MDGA2: variants seen among roughly 807,000 people sequenced by gnomAD.
MDGA2 encodes the protein MAM domain-containing glycosylphosphatidylinositol anchor protein 2.
In MDGA2, 40 loss-of-function variants were observed where a neutral mutation model predicts 117.8. The observed-to-expected ratio is 0.34, with a 90% CI of 0.26 to 0.44. MDGA2 has a LOEUF of 0.44. Among genes scored for constraint, MDGA2 ranks in the 20% least tolerant of loss-of-function variants. The pLI is 1.00. For synonymous variants in MDGA2, 452 were observed against 439.0 expected, an observed-to-expected ratio of 1.03 and a Z score of -0.37; for missense variants, 1,123 against 1,250.6, an observed-to-expected ratio of 0.90 and a Z score of 1.54.
At chr14:47,472,700 T>TA (rs2138618419) in intron 1 of MDGA2, among the ~76,000 whole-genome samples, 1 of 152,080 alleles carries the variant, frequency 6.6e-6, no homozygotes, top group South Asian at 2.1e-4. Flanking sequence ...TCATGAAGCA[T>TA]AGAGGGAAGG....
chr14:47,286,647 C>T (rs897949998), intron 2 of MDGA2, among the ~76,000 whole-genome samples: 5 of 151,652 alleles, frequency 3.3e-5, no homozygotes, highest in Non-Finnish European at 7.4e-5. Context: ...GAGGACATTT[C>T]GGTTGATTCT....
At chr14:47,552,494 A>C (rs1329546652) in intron 1 of MDGA2, among the ~76,000 whole-genome samples, 1 of 152,218 alleles carries the variant, frequency 6.6e-6, no homozygotes, top group Non-Finnish European at 1.5e-5. Context: ...CTTATACTAC[A>C]GTATCCAATC....
intron 6 of MDGA2, among the ~76,000 whole-genome samples, chr14:47,082,229 A>G (rs1890732741): frequency 6.6e-6 from 1 of 151,850 alleles, no homozygotes; most frequent in African/African-American, 2.4e-5. Context: ...CAACACTCCC[A>G]TAGAGAAAAA....
chr14:47,179,053 T>C (rs976286809), intron 3 of MDGA2, among the ~76,000 whole-genome samples: 1 of 152,136 alleles, frequency 6.6e-6, no homozygotes. Context: ...ATCATTAGAA[T>C]GTTAACTTGT....
At chr14:46,948,106 A>G (rs1271004317) in intron 9 of MDGA2, among the ~76,000 whole-genome samples, 1 of 151,942 alleles carries the variant, frequency 6.6e-6, no homozygotes. Flanking sequence ...CATTGTCATA[A>G]ATTTCTTTTC....
chr14:47,412,704 A>G (rs1566774218), intron 1 of MDGA2, among the ~76,000 whole-genome samples: 1 of 152,248 alleles, frequency 6.6e-6, no homozygotes. Context: ...GGCTGGAATG[A>G]AAGAAATGCT....
At chr14:47,267,218 CT>C (rs1566711374) in intron 2 of MDGA2, among the ~76,000 whole-genome samples, 1 of 151,656 alleles carries the variant, frequency 6.6e-6, no homozygotes, top group African/African-American at 2.4e-5. Context: ...AAATATGATT[CT>C]TTTTTTGGTA....
Position 46,849,849 on chromosome 14 carries a change from G to A in MDGA2, c.2884-3978C>T, listed in dbSNP as rs1046436101. ...ACATTACAGAGATAAAACCATTTTC[G>A]TTTCCTCTTCAGTACTTCTGAAATG... is the stretch of plus-strand genomic sequence containing the variant. On this transcript the variant is annotated intron_variant, in intron 15 of 16. Coordinates refer to ENST00000399232, the MANE Select transcript of MDGA2 (RefSeq NM_001113498.3). Among the ~76,000 whole-genome samples, 10 of 150,824 alleles carry A rather than the reference G, an allele frequency of 6.6e-5. No homozygotes were observed. In the South Asian group the frequency reaches 1.3e-3, roughly 19 times the overall value.
At chr14:47,295,225 C>T (rs1889023788) in intron 2 of MDGA2, among the ~76,000 whole-genome samples, 1 of 152,138 alleles carries the variant, frequency 6.6e-6, no homozygotes, top group African/African-American at 2.4e-5. Flanking sequence ...CACATTCTTT[C>T]TTTGTTTTAT....
chr14:47,643,898 G>T (rs922598100), intron 1 of MDGA2, among the ~76,000 whole-genome samples: 2 of 152,054 alleles, frequency 1.3e-5, no homozygotes, highest in Non-Finnish European at 2.9e-5. Context: ...TACAGTAAAA[G>T]CTAAAAGCTC....
At chr14:47,325,421 A>G (rs928901443) in intron 1 of MDGA2, among the ~76,000 whole-genome samples, 2 of 152,198 alleles carry the variant, frequency 1.3e-5, no homozygotes, top group Non-Finnish European at 2.9e-5. Flanking sequence ...CTTCTGCATT[A>G]AAACCTGAAG....
rs563684361 is a variant in MDGA2 at position 46,875,401 on chromosome 14, C to T, written c.2438-1201G>A. On this transcript the variant is annotated intron_variant, in intron 12 of 16. Coordinates refer to ENST00000399232, the MANE Select transcript of MDGA2 (RefSeq NM_001113498.3). Reference sequence around the variant, plus strand: ...TTATGTTTTGTTTTTGTTTTTTAGACGAAACACTTGCTTTATCTCTTTGTA... The same window carrying T: ...TTATGTTTTGTTTTTGTTTTTTAGATGAAACACTTGCTTTATCTCTTTGTA... Among the ~76,000 whole-genome samples the T allele has an allele frequency of 1.6e-4, 25 of 151,572 alleles. No homozygotes were observed. The East Asian group carries it at 2.5e-3, about 15-fold the overall frequency.
intron 2 of MDGA2, among the ~76,000 whole-genome samples, chr14:47,279,889 G>T (rs1393184565): frequency 4.6e-5 from 7 of 152,020 alleles, no homozygotes; most frequent in Non-Finnish European, 1.0e-4. Context: ...CTAGAGATGG[G>T]ATCTCACTTT....
chr14:47,290,059 G>C (rs1426468320), intron 2 of MDGA2, among the ~76,000 whole-genome samples: 1 of 152,038 alleles, frequency 6.6e-6, no homozygotes, highest in Non-Finnish European at 1.5e-5. Flanking sequence ...AAAATGCTTA[G>C]ATTTAGTTCA....
intron 1 of MDGA2, among the ~76,000 whole-genome samples, chr14:47,660,275 T>C (rs1897821218): frequency 6.6e-6 from 1 of 152,214 alleles, no homozygotes; most frequent in African/African-American, 2.4e-5. Context: ...TGCATGGCGC[T>C]ACAGCTGAAT....
chr14:47,097,174 A>C, intron 5 of MDGA2, 51 bp from the exon 6 acceptor site: 3 of 1,568,210 alleles, frequency 1.9e-6, no homozygotes, highest in Non-Finnish European at 1.7e-6. Context: ...TGCTACAACT[A>C]GAATTCAACA....
intron 1 of MDGA2, among the ~76,000 whole-genome samples, chr14:47,673,632 ATGTGTGTGTGTGTGTGTG>A (rs10528657): frequency 6.9e-6 from 1 of 143,978 alleles, no homozygotes; most frequent in African/African-American, 2.6e-5. Context: ...TATGACCTGG[ATGTGTGTGTGTGTGTGTG>A]TGTGTGTGTG....
intron 8 of MDGA2, among the ~76,000 whole-genome samples, chr14:46,982,790 C>T (rs986473112): frequency 2.0e-5 from 3 of 150,268 alleles, no homozygotes; most frequent in African/African-American, 7.3e-5. Flanking sequence ...TAATTGAATA[C>T]CCTTTATTTC....
At position 47,035,271 on chromosome 14, in the gene MDGA2, G is replaced by A; in HGVS notation, c.1559C>T (p.Ser520Leu). The A allele has an allele frequency of 6.2e-7, 1 of 1,613,924 alleles. No homozygotes were observed. Among genetic ancestry groups the A allele is most frequent in the Non-Finnish European group, 8.5e-7 (1 of 1,179,936 alleles). The part of the protein sequence containing the change: ...PPNLTVPQEK[S>L]PLVTREGDTI... Reference sequence around the variant, plus strand: ...GTCTCCTTCTCTGGTGACCAATGGTGATTTTTCCTGTGGAACAGTCAGATT... The same window carrying A: ...GTCTCCTTCTCTGGTGACCAATGGTAATTTTTCCTGTGGAACAGTCAGATT... The change falls in exon 8 of 17, where the codon TCA (serine) becomes TTA (leucine). Residue 520 changes from serine (S) to leucine (L), a missense_variant. By Grantham distance (145) the Ser-to-Leu change is moderately radical. This residue lies in a region of MDGA2 where 890 missense variants were observed against 1,050.3 expected (regional missense o/e 0.85). Transcript: ENST00000399232.
Sources: allele counts gnomAD v4.1 joint callset (sites outside exome capture counted in the v4.1 genomes callset), GRCh38; gene constraint gnomAD v4.1.1; regional missense constraint gnomAD v4.1.1; transcripts MANE v1.5; gene names NCBI Gene and HGNC (gene_info 2026-07-23, HGNC 2026-07-21).